CSMD3: variants seen among roughly 807,000 people sequenced by gnomAD.
The protein encoded by CSMD3 is CUB and Sushi multiple domains 3, also known as CUB and sushi domain-containing protein 3.
Under a neutral mutation model 435.2 loss-of-function variants are expected in CSMD3, and 177 were observed. The observed-to-expected ratio is 0.41, with a 90% CI of 0.36 to 0.46. The LOEUF (loss-of-function observed/expected upper bound fraction) is 0.46, where lower values mean the gene tolerates loss of function less well. Ranked by LOEUF, CSMD3 falls within the 20% of genes least tolerant of loss-of-function variation. The pLI is 0.34. For missense variants in CSMD3, 4,265 were observed against 4,504.6 expected (o/e 0.95, Z 1.52); for synonymous variants, 1,656 against 1,520.5 (o/e 1.09, Z -2.07).
chr8:112,257,745 T>C (rs1815947837), intron 61 of CSMD3, among the ~76,000 whole-genome samples: 1 of 152,230 alleles, frequency 6.6e-6, no homozygotes, highest in Admixed American at 6.5e-5. Flanking sequence ...CCCATCAAGC[T>C]ACCACTGACT....
intron 2 of CSMD3, among the ~76,000 whole-genome samples, chr8:113,296,610 G>A (rs556416057): frequency 1.6e-4 from 25 of 152,224 alleles, no homozygotes; most frequent in African/African-American, 5.5e-4. Flanking sequence ...GTAAATGTGT[G>A]ACCAGATTCT....
At chr8:112,775,590 T>C (rs997013172) in intron 13 of CSMD3, among the ~76,000 whole-genome samples, 1 of 151,958 alleles carries the variant, frequency 6.6e-6, no homozygotes, top group Admixed American at 6.6e-5. Context: ...ACAGACTTTC[T>C]AGTTACAAGC....
Position 113,117,282 on chromosome 8 carries a change from T to C in CSMD3, c.710-18319A>G, listed in dbSNP as rs945700516. On this transcript the variant is annotated intron_variant, in intron 4 of 70. Transcript: ENST00000297405. ...CCCTGTGTCCCAGCCATGGCTAAAA[T>C]GGGCCAAGGTACAGCTTGGGCCATG... 2.0e-5 allele frequency among the ~76,000 whole-genome samples: 3 copies of C among 152,280 alleles called. No homozygotes were observed. In the East Asian group the frequency reaches 5.8e-4, roughly 29 times the overall value.
chr8:112,279,703 T>A (rs2111428), intron 59 of CSMD3, among the ~76,000 whole-genome samples: 4,507 of 152,230 alleles, frequency 0.03, 229 homozygotes, highest in African/African-American at 0.1. Context: ...ATAATTGGCA[T>A]GGGAAAGTTG....
intron 22 of CSMD3, among the ~76,000 whole-genome samples, chr8:112,604,181 T>G (rs1425601320): frequency 6.6e-6 from 1 of 152,176 alleles, no homozygotes; most frequent in African/African-American, 2.4e-5. Flanking sequence ...GCATTACTCA[T>G]AGTAAATATT....
rs530126404 is a variant in CSMD3 at position 113,195,423 on chromosome 8, C to A, written c.515-21507G>T. Among the ~76,000 whole-genome samples, 32 of 150,944 alleles carry A rather than the reference C, an allele frequency of 2.1e-4. No individual in the cohort carries two copies. In the South Asian group the frequency reaches 5.6e-3, roughly 26 times the overall value. ...GAATTGGTAGGCTAGGAAAAATAAT[C>A]ATCTCTGTGATGATTATGATTTTCT... On this transcript the variant is annotated intron_variant, in intron 3 of 70. Coordinates refer to ENST00000297405, the MANE Select transcript of CSMD3 (RefSeq NM_198123.2).
intron 27 of CSMD3, among the ~76,000 whole-genome samples, chr8:112,545,745 T>C (rs1465988562): frequency 6.6e-6 from 1 of 152,104 alleles, no homozygotes; most frequent in Non-Finnish European, 1.5e-5. Flanking sequence ...GATGTAACCA[T>C]GCATTATAAT....
At chr8:113,402,448 C>T (rs978633793) in intron 1 of CSMD3, among the ~76,000 whole-genome samples, 17 of 151,250 alleles carry the variant, frequency 1.1e-4, no homozygotes, top group African/African-American at 4.1e-4. Context: ...GTTTATGTAC[C>T]AAGCAATGAT....
intron 10 of CSMD3, among the ~76,000 whole-genome samples, chr8:112,873,559 C>T (rs922319513): frequency 6.6e-6 from 1 of 151,960 alleles, no homozygotes; most frequent in Non-Finnish European, 1.5e-5. Flanking sequence ...TCAGCAACTA[C>T]ATTTTGCATC....
At chr8:112,267,829 A>G (rs1449232968) in intron 59 of CSMD3, among the ~76,000 whole-genome samples, 1 of 152,144 alleles carries the variant, frequency 6.6e-6, no homozygotes, top group East Asian at 1.9e-4. Context: ...TTCCTAATGA[A>G]GCAAAGGCTA....
chr8:113,240,480 TGTAA>T (rs746006100), intron 3 of CSMD3, among the ~76,000 whole-genome samples: 41 of 152,304 alleles, frequency 2.7e-4, no homozygotes, highest in Non-Finnish European at 5.0e-4. Context: ...ACCGAAAGTA[TGTAA>T]GTATTCCTTT....
At chr8:112,457,251 T>TCTGCCC (rs919840951) in intron 32 of CSMD3, among the ~76,000 whole-genome samples, 6 of 152,068 alleles carry the variant, frequency 3.9e-5, no homozygotes, top group East Asian at 1.9e-4. Context: ...GAGTTTTTCC[T>TCTGCCC]CTGCCCTATT....
intron 6 of CSMD3, among the ~76,000 whole-genome samples, chr8:113,005,961 C>A (rs527468643): frequency 2.0e-5 from 3 of 152,154 alleles, no homozygotes; most frequent in South Asian, 2.1e-4. Context: ...ATGAGTCACA[C>A]AAGGACAGCT....
chr8:113,424,562 A>T (rs1443172093), intron 1 of CSMD3, among the ~76,000 whole-genome samples: 1 of 151,454 alleles, frequency 6.6e-6, no homozygotes, highest in Non-Finnish European at 1.5e-5. Flanking sequence ...GAAGCCAAGG[A>T]GGAGTTCTGA....
At chr8:113,389,034 T>TAAATC (rs35430085) in intron 1 of CSMD3, among the ~76,000 whole-genome samples, 110,036 of 150,628 alleles carry the variant, frequency 0.73, 40,344 homozygotes, top group East Asian at 0.94. Flanking sequence ...TTTGTAAAAA[T>TAAATC]AAGATGTAAA....
chr8:112,793,294 T>G (rs2078741247), intron 13 of CSMD3, among the ~76,000 whole-genome samples: 1 of 150,330 alleles, frequency 6.7e-6, no homozygotes, highest in Non-Finnish European at 1.5e-5. Context: ...TAGCAGAAGG[T>G]AATCCTCATA....
intron 58 of CSMD3, among the ~76,000 whole-genome samples, chr8:112,285,364 CTA>C (rs1819083313): frequency 2.0e-5 from 3 of 152,052 alleles, no homozygotes; most frequent in Admixed American, 6.6e-5. Flanking sequence ...TTACTCAGCA[CTA>C]TGTTTTCCAA....
intron 70 of CSMD3, among the ~76,000 whole-genome samples, chr8:112,226,392 A>C (rs1439504233): frequency 6.6e-6 from 1 of 152,176 alleles, no homozygotes; most frequent in Non-Finnish European, 1.5e-5. Context: ...AAATATTACC[A>C]AGTTTTAAAA....
chr8:112,724,116 T>C (rs560117510), intron 13 of CSMD3, among the ~76,000 whole-genome samples: 1 of 152,098 alleles, frequency 6.6e-6, no homozygotes, highest in East Asian at 1.9e-4. Context: ...ATAGGGTAAC[T>C]GTGGAGAGGT....
Sources: allele counts gnomAD v4.1 joint callset (sites outside exome capture counted in the v4.1 genomes callset), GRCh38; gene constraint gnomAD v4.1.1; transcripts MANE v1.5; gene names NCBI Gene and HGNC (gene_info 2026-07-23, HGNC 2026-07-21).